Variants in PHF12 observed in about 807,000 individuals in gnomAD.
PHF12 encodes the protein PHD factor 1.
In PHF12, 6 loss-of-function variants were observed where a neutral mutation model predicts 99.8. That is an observed-to-expected ratio of 0.06 (90% confidence interval 0.03 to 0.12). The LOEUF (loss-of-function observed/expected upper bound fraction) is 0.12, where lower values mean the gene tolerates loss of function less well. Ranked by LOEUF, PHF12 falls within the 10% of genes least tolerant of loss-of-function variation. PHF12 has a pLI of 1.00. For synonymous variants in PHF12, 480 were observed against 514.9 expected (o/e 0.93, Z 0.92); for missense variants, 954 against 1,300.1 (o/e 0.73, Z 4.09).
intron 2 of PHF12, among the ~76,000 whole-genome samples, chr17:28,933,166 C>T (rs1052346778): frequency 3.3e-5 from 5 of 152,124 alleles, no homozygotes; most frequent in South Asian, 4.1e-4. Flanking sequence ...TTAAAAGTCA[C>T]GTAACACTGA....
intron 4 of PHF12, among the ~76,000 whole-genome samples, chr17:28,923,162 A>G (rs2040195961): frequency 6.6e-6 from 1 of 152,182 alleles, no homozygotes; most frequent in Non-Finnish European, 1.5e-5. Flanking sequence ...GGGAAAATTA[A>G]TCAGCATATA....
rs766714057 is a variant in PHF12, at chr17:28,906,445, C to T, written c.2753G>A (p.Gly918Glu). 3.7e-6 allele frequency: 6 copies of T among 1,614,048 alleles called. No individual in the cohort carries two copies. Among genetic ancestry groups the T allele is most frequent in the Non-Finnish European group, 5.1e-6 (6 of 1,180,000 alleles). The change falls in exon 15 of 15, where the codon GGG becomes GAG. Residue 918 changes from glycine (G) to glutamate (E), a missense_variant. By Grantham distance (98) the Gly-to-Glu change is moderately conservative (BLOSUM62 -2). Coordinates refer to ENST00000332830, the MANE Select transcript of PHF12 (RefSeq NM_001033561.2). The surrounding 1 kb of genome is among the most constrained non-coding windows in gnomAD (Gnocchi z 4.2). ...EAAMMSSQAQ[G>E]PQRRPCNCKA... ...GCAATTGCAGGGTCTCCGCTGCGGC[C>T]CCTGGGCCTGGGAACTCATCATGGC...
Position 28,950,852 on chromosome 17 carries a change from C to A in PHF12, c.66+43G>T, listed in dbSNP as rs749652552. 1.2e-6 allele frequency: 2 copies of A among 1,608,574 alleles called. No individual in the cohort carries two copies. Among genetic ancestry groups the A allele is most frequent in the Admixed American group, 3.4e-5 (2 of 59,684 alleles). On this transcript the variant is annotated intron_variant, in intron 1 of 14. Coordinates refer to ENST00000332830, the MANE Select transcript of PHF12 (RefSeq NM_001033561.2). This position sits in a 1 kb window ranked among gnomAD's most constrained non-coding sequence, Gnocchi z 5.7. ...TTTGTGGGGCGGAGGGCGGAGGTTC[C>A]CTCCCGGCGCTGGAGGAAGGAGATG...
chr17:28,950,704 A>T lies in PHF12; in HGVS notation c.66+191T>A. ...GAATCGAGGGCGGCGGGTAGGTGAA[A>T]CTGCTGCAAACGTCCTCGGAGGCTG... On this transcript the variant is annotated intron_variant, in intron 1 of 14. Transcript: ENST00000332830. This position sits in a 1 kb window ranked among gnomAD's most constrained non-coding sequence, Gnocchi z 5.7. 3 of 780,412 alleles carry T rather than the reference A, an allele frequency of 3.8e-6. No individual in the cohort carries two copies. The highest frequency in any genetic ancestry group is 5.6e-6 in the Non-Finnish European group (3 of 537,716). The allele number at this position is 780,412 out of a possible 1,614,324, so 48.3% of individuals were successfully genotyped here. A position where few individuals can be genotyped will look rare whatever the true frequency, so the allele number is the denominator to read the frequency against.
intron 2 of PHF12, among the ~76,000 whole-genome samples, chr17:28,933,707 A>G (rs528442839): frequency 5.0e-4 from 76 of 152,266 alleles, no homozygotes; most frequent in African/African-American, 1.8e-3. Context: ...ACTAGGTACC[A>G]CACTGAAAAA....
intron 5 of PHF12, 51 bp downstream of exon 5, chr17:28,921,637 G>T (rs1281309490): frequency 1.3e-6 from 2 of 1,594,052 alleles, no homozygotes; most frequent in South Asian, 2.2e-5. Flanking sequence ...GAGAGAAAAA[G>T]TATCATCTGC....
rs990320302 is a variant in PHF12 at position 28,907,840 on chromosome 17, T to C, written c.2459-168A>G. The C allele has an allele frequency of 1.3e-5, 7 of 542,372 alleles. No individual in the cohort carries two copies. In the Admixed American group the frequency reaches 1.8e-4, roughly 14 times the overall value. 33.6% of individuals were successfully genotyped at this position (542,372 alleles called of 1,614,324 possible). A position where few individuals can be genotyped will look rare whatever the true frequency, so the allele number is the denominator to read the frequency against. ...CCTTTTATTTTTGAACAAAAACTGT[T>C]GTCTTTTCCAAGCTCCTGATAAAGA... On this transcript the variant is annotated intron_variant, in intron 12 of 14. Coordinates refer to ENST00000332830, the MANE Select transcript of PHF12 (RefSeq NM_001033561.2).
At chr17:28,928,086 G>A (rs748280424) in intron 2 of PHF12, 2 of 152,270 alleles carry the variant, frequency 1.3e-5, no homozygotes, top group Non-Finnish European at 2.9e-5. Context: ...ACTCTAGCCT[G>A]GGCAACAGAG....
intron 3 of PHF12, chr17:28,925,649 A>C (rs969510687): frequency 6.6e-6 from 1 of 152,184 alleles, no homozygotes; most frequent in Non-Finnish European, 1.5e-5. Context: ...AGAGGTTTGG[A>C]ATGAGAGAAT....
intron 2 of PHF12, among the ~76,000 whole-genome samples, chr17:28,930,608 A>G (rs2040381239): frequency 6.6e-6 from 1 of 152,258 alleles, no homozygotes; most frequent in South Asian, 2.1e-4. Context: ...GCAAGCCTGT[A>G]CTTACTGAAC....
In PHF12 at chr17:28,949,842, T is replaced by C; in HGVS notation, c.248+223A>G. The stretch of plus-strand genomic sequence containing the variant: ...TCCCATATGGGGTTCTCTTCACTCG[T>C]CCCAACCCCCACCTCGGGGTCCGGA... On this transcript the variant is annotated intron_variant, in intron 2 of 14. Transcript: ENST00000332830. This position sits in a 1 kb window ranked among gnomAD's most constrained non-coding sequence, Gnocchi z 4.6. 7.2e-6 allele frequency: 4 copies of C among 553,476 alleles called. No individual in the cohort carries two copies. The highest frequency in any genetic ancestry group is 6.3e-5 in the East Asian group (2 of 31,944). 34.3% of individuals were successfully genotyped at this position (553,476 alleles called of 1,614,324 possible). A position where few individuals can be genotyped will look rare whatever the true frequency, so the allele number is the denominator to read the frequency against.
intron 2 of PHF12, among the ~76,000 whole-genome samples, chr17:28,934,925 G>A (rs1333406888): frequency 6.6e-6 from 1 of 152,220 alleles, no homozygotes; most frequent in Non-Finnish European, 1.5e-5. Flanking sequence ...GATTCCTTCT[G>A]AGAATTATCT....
At position 28,913,978 on chromosome 17, in the gene PHF12, G is replaced by A; in HGVS notation, c.1194C>T (p.Ala398=). 1 of 1,613,778 alleles carries A rather than the reference G, an allele frequency of 6.2e-7. No homozygotes were observed. The highest frequency in any genetic ancestry group is 2.2e-5 in the East Asian group (1 of 44,870). The part of the protein sequence containing the change: ...QFPPPLIAPA[A]IRDGELICNG... ...TGCAGATCAGCTCCCCGTCCCGAAT[G>A]GCCGCGGGTGCAATGAGAGGGGGTG... Residue 398 remains alanine (A), a synonymous_variant, in exon 8 of 15, where the codon GCC becomes GCT. Transcript: ENST00000332830.
In PHF12 at chr17:28,913,035, G is replaced by C; in HGVS notation, c.1536C>G (p.His512Gln). The C allele has an allele frequency of 6.2e-7, 1 of 1,614,210 alleles. No individual in the cohort carries two copies. Among genetic ancestry groups the C allele is most frequent in the Non-Finnish European group, 8.5e-7 (1 of 1,180,030 alleles). ...TQNSLSCSPP[H>Q]QSPALEDIGC... ...CGATGTCCTCTAGGGCTGGGGACTGGTGGGGTGGAGAGCAGCTCAGGGAAT... is the reference window on the plus strand; with the variant it reads ...CGATGTCCTCTAGGGCTGGGGACTGCTGGGGTGGAGAGCAGCTCAGGGAAT... Residue 512 changes from histidine (H) to glutamine (Q), a missense_variant, in exon 9 of 15, where the codon CAC (histidine) becomes CAG (glutamine). Transcript: ENST00000332830.
At chr17:28,947,813 T>C (rs768916426) in intron 2 of PHF12, among the ~76,000 whole-genome samples, 4 of 152,088 alleles carry the variant, frequency 2.6e-5, no homozygotes, top group Non-Finnish European at 4.4e-5. Context: ...AAAGGGAGAA[T>C]TGGAGATGTG....
At chr17:28,937,637 G>A (rs377186394) in intron 2 of PHF12, among the ~76,000 whole-genome samples, 7 of 152,088 alleles carry the variant, frequency 4.6e-5, no homozygotes, top group East Asian at 1.9e-4. Context: ...GCATCTTCCC[G>A]GTAAAGGACA....
At chr17:28,909,119 A>C (rs2039917444) in intron 11 of PHF12, 2 of 522,014 alleles carry the variant, frequency 3.8e-6, no homozygotes, top group Non-Finnish European at 6.9e-6. Flanking sequence ...GAGAAGTCAG[A>C]GATGACAGTA....
At chr17:28,946,615 A>G (rs1340277340) in intron 2 of PHF12, among the ~76,000 whole-genome samples, 1 of 152,234 alleles carries the variant, frequency 6.6e-6, no homozygotes, top group African/African-American at 2.4e-5. Context: ...TAGAGACTGA[A>G]AAAAGACTTA....
chr17:28,923,105 G>GA (rs1009005869), intron 4 of PHF12, among the ~76,000 whole-genome samples: 9 of 149,548 alleles, frequency 6.0e-5, no homozygotes, highest in Admixed American at 1.3e-4. Context: ...TTTAAAGTGA[G>GA]AAAAAAAAAG....
Sources: allele counts gnomAD v4.1 joint callset (sites outside exome capture counted in the v4.1 genomes callset), GRCh38; gene constraint gnomAD v4.1.1; non-coding constraint Gnocchi (gnomAD v3.1); transcripts MANE v1.5; gene names NCBI Gene and HGNC (gene_info 2026-07-23, HGNC 2026-07-21).